Variants in FAF2 observed in about 807,000 individuals in gnomAD.
The protein encoded by FAF2 is FAS-associated factor 2.
In FAF2, 9 loss-of-function variants were observed where a neutral mutation model predicts 62.3. The observed-to-expected ratio is 0.14, with a 90% CI of 0.09 to 0.25. FAF2 has a LOEUF of 0.25. Among genes scored for constraint, FAF2 ranks in the 10% least tolerant of loss-of-function variants. The pLI is 1.00. For synonymous variants in FAF2, 202 were observed against 198.0 expected, an observed-to-expected ratio of 1.02 and a Z score of -0.17; for missense variants, 368 against 556.2, an observed-to-expected ratio of 0.66 and a Z score of 3.40.
chr5:176,500,185 C>T (rs1257189107), intron 10 of FAF2, 39 bp downstream of exon 10: 2 of 1,602,626 alleles, frequency 1.2e-6, no homozygotes, highest in Non-Finnish European at 1.7e-6. Context: ...TATGTAGCAT[C>T]TGGGCTATAG....
chr5:176,464,997 C>T (rs1347377612), intron 1 of FAF2, among the ~76,000 whole-genome samples: 11 of 152,174 alleles, frequency 7.2e-5, no homozygotes, highest in Admixed American at 7.2e-4. Flanking sequence ...AAGTGATTCT[C>T]TTGCCTCAGC....
chr5:176,460,630 C>T (rs979131037), intron 1 of FAF2, among the ~76,000 whole-genome samples: 23 of 151,810 alleles, frequency 1.5e-4, no homozygotes, highest in African/African-American at 5.6e-4. Flanking sequence ...ACTGCAGCCT[C>T]TGCCTCCTGG....
intron 8 of FAF2, chr5:176,496,967 G>A (rs1435457098): frequency 4.8e-5 from 9 of 185,822 alleles, no homozygotes; most frequent in Admixed American, 3.1e-4. Flanking sequence ...AGCAAAGCGA[G>A]ACCCCATCTC....
chr5:176,488,738 TA>T (rs889839138), intron 3 of FAF2, among the ~76,000 whole-genome samples: 1 of 151,816 alleles, frequency 6.6e-6, no homozygotes, highest in African/African-American at 2.4e-5. Flanking sequence ...GCAGATTTAA[TA>T]CAAAAATTCT....
chr5:176,492,423 G>A (rs1476393036), intron 5 of FAF2, 91 bp downstream of exon 5: 8 of 1,386,430 alleles, frequency 5.8e-6, no homozygotes, highest in East Asian at 5.3e-5. Context: ...TGTCCTTCTT[G>A]TACTCAAAAA....
intron 1 of FAF2, among the ~76,000 whole-genome samples, chr5:176,455,629 A>G (rs746185882): frequency 1.3e-5 from 2 of 151,946 alleles, no homozygotes; most frequent in African/African-American, 2.4e-5. Context: ...GGTGCCTGTA[A>G]TCCTAGCTAC....
At chr5:176,481,386 G>A (rs1294097853) in intron 2 of FAF2, among the ~76,000 whole-genome samples, 2 of 152,012 alleles carry the variant, frequency 1.3e-5, no homozygotes, top group East Asian at 2.0e-4. Context: ...GGCCGGGCGC[G>A]GTGGCTCACG....
chr5:176,509,057 C>T lies in FAF2; in HGVS notation c.*2107C>T, dbSNP rs1755734064. Reference sequence around the variant, plus strand: ...ATAGTTGTTCAGTGAAGGAAGTCAGCTGCCAGAATATTAAGAAGGGTCTCC... The same window carrying T: ...ATAGTTGTTCAGTGAAGGAAGTCAGTTGCCAGAATATTAAGAAGGGTCTCC... On this transcript the variant is annotated 3_prime_UTR_variant, in exon 11 of 11. Coordinates refer to ENST00000261942, the MANE Select transcript of FAF2 (RefSeq NM_014613.3). 1 of 152,174 alleles carries T rather than the reference C, an allele frequency of 6.6e-6. No homozygotes were observed. Among genetic ancestry groups the T allele is most frequent in the Admixed American group, 6.5e-5 (1 of 15,268 alleles). The allele number at this position is 152,174 out of a possible 1,614,324, so 9.4% of individuals were successfully genotyped here.
chr5:176,467,502 T>G (rs1190647747), intron 1 of FAF2, among the ~76,000 whole-genome samples: 1 of 152,154 alleles, frequency 6.6e-6, no homozygotes, highest in Non-Finnish European at 1.5e-5. Flanking sequence ...TGGCTAACTT[T>G]TTTGTATTTA....
intron 2 of FAF2, 143 bp from the exon 3 acceptor site, chr5:176,486,212 C>T (rs879754717): frequency 9.8e-6 from 9 of 920,842 alleles, no homozygotes; most frequent in Non-Finnish European, 1.5e-5. Context: ...GGTTAACAGG[C>T]CCATGAAGGT....
chr5:176,477,401 TAAAGA>T (rs1758722213), intron 1 of FAF2, among the ~76,000 whole-genome samples: 1 of 151,968 alleles, frequency 6.6e-6, no homozygotes, highest in Middle Eastern at 3.2e-3. Context: ...GTCCAATTCT[TAAAGA>T]GAATCCACAG....
At chr5:176,485,349 A>T (rs1758857311) in intron 2 of FAF2, among the ~76,000 whole-genome samples, 1 of 152,196 alleles carries the variant, frequency 6.6e-6, no homozygotes, top group South Asian at 2.1e-4. Context: ...AAGTTGTCCA[A>T]AGTTCCCCAC....
intron 1 of FAF2, among the ~76,000 whole-genome samples, chr5:176,464,202 C>T (rs1758426920): frequency 6.6e-6 from 1 of 152,128 alleles, no homozygotes; most frequent in South Asian, 2.1e-4. Flanking sequence ...CCTGCCTTGG[C>T]CTCCCAAAGT....
At chr5:176,491,576 A>G (rs1758970533) in intron 4 of FAF2, among the ~76,000 whole-genome samples, 2 of 152,300 alleles carry the variant, frequency 1.3e-5, no homozygotes, top group Admixed American at 1.3e-4. Context: ...AAATCCCAGG[A>G]AAACAGAAAG....
intron 8 of FAF2, chr5:176,496,963 G>T: frequency 5.2e-6 from 1 of 190,604 alleles, no homozygotes; most frequent in East Asian, 1.2e-4. Context: ...GGGCAGCAAA[G>T]CGAGACCCCA....
rs532376643 is a variant in FAF2, at chr5:176,476,496, G to A, written c.64-2692G>A. ...GAACTTACATTACACCCTCTGAGAA[G>A]GCAATAGAATGAATGTAAATAATCA... On this transcript the variant is annotated intron_variant, in intron 1 of 10. Transcript: ENST00000261942. Among the ~76,000 whole-genome samples the A allele has an allele frequency of 6.6e-5, 10 of 152,120 alleles. No individual in the cohort carries two copies. The South Asian group carries it at 2.1e-3, about 32-fold the overall frequency.
intron 1 of FAF2, among the ~76,000 whole-genome samples, chr5:176,465,623 T>C (rs1039623695): frequency 6.6e-6 from 1 of 152,212 alleles, no homozygotes; most frequent in Non-Finnish European, 1.5e-5. Context: ...CTCCTTGGCC[T>C]CCCAAAGTGC....
At position 176,505,929 on chromosome 5, in the gene FAF2, G is replaced by A. The variant is rs1009182354; in HGVS notation, c.1156-839G>A. The stretch of plus-strand genomic sequence containing the variant: ...CACGCCTGTAATCTCAGCACTTTAC[G>A]CCTGTAATCCCAGCACTTTGGGAGG... On this transcript the variant is annotated intron_variant, in intron 10 of 10. Transcript: ENST00000261942. Among the ~76,000 whole-genome samples the A allele has an allele frequency of 3.9e-5, 6 of 152,090 alleles. No individual in the cohort carries two copies. In the South Asian group the frequency reaches 6.2e-4, roughly 16 times the overall value.
At chr5:176,490,499 A>G (rs1231480974) in intron 4 of FAF2, among the ~76,000 whole-genome samples, 1 of 142,282 alleles carries the variant, frequency 7.0e-6, no homozygotes. Flanking sequence ...GGTTCCCTGT[A>G]CTTCCCTTCA....
Sources: allele counts gnomAD v4.1 joint callset (sites outside exome capture counted in the v4.1 genomes callset), GRCh38; gene constraint gnomAD v4.1.1; transcripts MANE v1.5; gene names NCBI Gene and HGNC (gene_info 2026-07-23, HGNC 2026-07-21).